ELFN2: variants seen among roughly 807,000 people sequenced by gnomAD.
The protein encoded by ELFN2 is extracellular leucine rich repeat and fibronectin type III domain containing 2, also known as protein phosphatase 1 regulatory subunit 29.
In ELFN2, 17 loss-of-function variants were observed where a neutral mutation model predicts 45.5. The observed-to-expected ratio is 0.37, with a 90% CI of 0.26 to 0.56. The LOEUF (loss-of-function observed/expected upper bound fraction) is 0.56. Among genes scored for constraint, ELFN2 ranks in the 20% least tolerant of loss-of-function variants. The pLI is 0.77. For missense variants in ELFN2, 922 were observed against 1,183.2 expected (o/e 0.78, Z 3.24); for synonymous variants, 550 against 551.5 (o/e 1.00, Z 0.04).
chr22:37,401,032 G>C (rs568827533), intron 2 of ELFN2, among the ~76,000 whole-genome samples: 4 of 152,370 alleles, frequency 2.6e-5, no homozygotes, highest in Admixed American at 2.6e-4. Context: ...ACATGGCACT[G>C]CCCTGAGGAA....
At chr22:37,360,407 C>T (rs1245081969) in intron 1 of ELFN2, among the ~76,000 whole-genome samples, 2 of 152,234 alleles carry the variant, frequency 1.3e-5, no homozygotes, top group African/African-American at 4.8e-5. Flanking sequence ...TACAACAGAA[C>T]TCAAACGGCC....
rs1204326341 is a variant in ELFN2 at position 37,375,304 on chromosome 22, G to T, written c.231C>A (p.Arg77=). 2 of 1,614,188 alleles carry T rather than the reference G, an allele frequency of 1.2e-6. No homozygotes were observed. Among genetic ancestry groups the T allele is most frequent in the Non-Finnish European group, 1.7e-6 (2 of 1,180,034 alleles). The change falls in exon 3 of 3, where the codon CGC becomes CGA. Residue 77 remains arginine (R), a synonymous_variant. Coordinates refer to ENST00000402918, the MANE Select transcript of ELFN2 (RefSeq NM_052906.5). The part of the protein sequence containing the change: ...LKAVLYSSLN[R]FGNLTDLNLT... Reference sequence around the variant, plus strand: ...GGTTGAGGTCGGTGAGGTTCCCAAAGCGGTTGAGCGAGGAGTAGAGCACGG... The same window carrying T: ...GGTTGAGGTCGGTGAGGTTCCCAAATCGGTTGAGCGAGGAGTAGAGCACGG...
At chr22:37,423,737 C>A (rs767329806) in intron 1 of ELFN2, among the ~76,000 whole-genome samples, 2 of 152,122 alleles carry the variant, frequency 1.3e-5, no homozygotes, top group Admixed American at 6.5e-5. Flanking sequence ...CAGCCAGCAC[C>A]CTTCCTCTGG....
intron 2 of ELFN2, among the ~76,000 whole-genome samples, chr22:37,399,784 T>C (rs1252328425): frequency 6.6e-6 from 1 of 151,962 alleles, no homozygotes; most frequent in African/African-American, 2.4e-5. Context: ...ATCCAAAATC[T>C]TCCCAGACTT....
At chr22:37,358,307 CATGCTACAA>C (rs936873493) in intron 1 of ELFN2, among the ~76,000 whole-genome samples, 175 of 152,344 alleles carry the variant, frequency 1.1e-3, no homozygotes, top group African/African-American at 4.0e-3. Flanking sequence ...TACATCTGCA[CATGCTACAA>C]GTGGCACAAA....
intron 1 of ELFN2, among the ~76,000 whole-genome samples, chr22:37,357,810 T>C (rs1424626083): frequency 6.6e-6 from 1 of 152,192 alleles, no homozygotes; most frequent in Non-Finnish European, 1.5e-5. Flanking sequence ...TGGGTGAGAA[T>C]GATACCCACT....
chr22:37,381,970 AAAAAAAAAAAAAAAAAAAAAAG>A (rs1405468290), intron 2 of ELFN2, among the ~76,000 whole-genome samples: 74 of 143,628 alleles, frequency 5.2e-4, no homozygotes, highest in African/African-American at 2.0e-3. Flanking sequence ...AAAAAAAAAA[AAAAAAAAAAAAAAAAAAAAAAG>A]AATCTTCAAT....
chr22:37,358,415 G>A (rs1016528499), intron 1 of ELFN2, among the ~76,000 whole-genome samples: 11 of 152,120 alleles, frequency 7.2e-5, no homozygotes, highest in Admixed American at 4.6e-4. Flanking sequence ...GGCGAGCCTC[G>A]GTCCACCGTT....
intron 1 of ELFN2, among the ~76,000 whole-genome samples, chr22:37,351,450 A>C (rs1251739013): frequency 6.7e-6 from 1 of 149,964 alleles, no homozygotes; most frequent in Non-Finnish European, 1.5e-5. Context: ...CTCGAGTGAC[A>C]GGTGCTGGGT....
chr22:37,414,944 G>A lies in ELFN2; in HGVS notation c.-463+2825C>T, dbSNP rs1932739486. 3.3e-5 allele frequency among the ~76,000 whole-genome samples: 5 copies of A among 152,364 alleles called. No homozygotes were observed. The South Asian group carries it at 1.0e-3, about 32-fold the overall frequency. On this transcript the variant is annotated intron_variant, in intron 2 of 2. Coordinates refer to ENST00000402918, the MANE Select transcript of ELFN2 (RefSeq NM_052906.5). ...GCTGCCACCTGGAGCACCTCCCAGT[G>A]CCAAGCCCTGTGCCTTACTTTGTCC... is the stretch of plus-strand genomic sequence containing the variant.
chr22:37,367,151 A>C (rs565269372), downstream of ELFN2, among the ~76,000 whole-genome samples: 15 of 152,324 alleles, frequency 9.8e-5, no homozygotes, highest in East Asian at 2.9e-3. Context: ...GGAGAACAAG[A>C]GTCTGGGAAA....
chr22:37,363,729 T>C (rs1054167871), downstream of ELFN2, among the ~76,000 whole-genome samples: 10 of 151,046 alleles, frequency 6.6e-5, no homozygotes, highest in African/African-American at 2.4e-4. Flanking sequence ...CAGGCAGGAG[T>C]GGTGGGGAAA....
chr22:37,352,750 C>T (rs1231030779), intron 1 of ELFN2, among the ~76,000 whole-genome samples: 1 of 150,772 alleles, frequency 6.6e-6, no homozygotes, highest in East Asian at 1.9e-4. Flanking sequence ...GGCTGTCACA[C>T]CCAGATCACA....
intron 2 of ELFN2, among the ~76,000 whole-genome samples, chr22:37,399,993 C>G (rs1932321906): frequency 6.6e-6 from 1 of 152,184 alleles, no homozygotes; most frequent in African/African-American, 2.4e-5. Flanking sequence ...AGGGAAACAA[C>G]TGCCCAAAGC....
chr22:37,389,256 C>T (rs1180806813), intron 2 of ELFN2, among the ~76,000 whole-genome samples: 1 of 152,108 alleles, frequency 6.6e-6, no homozygotes, highest in Admixed American at 6.5e-5. Context: ...CAACAGCCCA[C>T]AATGGCTCCC....
At position 37,373,366 on chromosome 22, in the gene ELFN2, G is replaced by C; in HGVS notation, c.2169C>G (p.Ser723Arg). ...TGAGGAAGGACACGCGCTGGCTCAG[G>C]CTGTCGGCACCCTCCTCGTAGTACA... is the stretch of plus-strand genomic sequence containing the variant. ...PALYYEEGAD[S>R]LSQRVSFLKP... Residue 723 changes from serine (S) to arginine (R), a missense_variant, in exon 3 of 3, where the codon AGC becomes AGG. Physicochemically the swap from Ser to Arg is moderately radical, Grantham distance 110. Around this residue, in one of 2 missense-constraint regions of ELFN2, gnomAD observed 564 missense variants for 642.8 expected, o/e 0.88. Coordinates refer to ENST00000402918, the MANE Select transcript of ELFN2 (RefSeq NM_052906.5). The C allele has an allele frequency of 6.2e-7, 1 of 1,612,602 alleles. No individual in the cohort carries two copies. The highest frequency in any genetic ancestry group is 8.5e-7 in the Non-Finnish European group (1 of 1,179,816).
At chr22:37,402,192 C>A (rs1485768721) in intron 2 of ELFN2, among the ~76,000 whole-genome samples, 2 of 152,200 alleles carry the variant, frequency 1.3e-5, no homozygotes, top group Non-Finnish European at 2.9e-5. Context: ...ACAGAGCAAA[C>A]CCTCAATAAA....
intron 1 of ELFN2, among the ~76,000 whole-genome samples, chr22:37,424,675 G>A: frequency 7.5e-6 from 1 of 133,760 alleles, no homozygotes; most frequent in East Asian, 2.1e-4. Flanking sequence ...AGCCACTGAG[G>A]GCGGCGGGGG....
intron 1 of ELFN2, among the ~76,000 whole-genome samples, chr22:37,418,680 C>T (rs947263068): frequency 1.3e-5 from 2 of 151,980 alleles, no homozygotes; most frequent in African/African-American, 4.8e-5. Context: ...CCGCCCAACC[C>T]CATCGTCAGC....
Sources: gnomAD v4.1 joint callset for allele counts (sites outside exome capture counted in the v4.1 genomes callset) on GRCh38, gnomAD v4.1.1 for gene constraint, gnomAD v4.1.1 regional missense constraint, MANE v1.5 for transcripts, NCBI Gene and HGNC (gene_info 2026-07-23, HGNC 2026-07-21) for gene names.